The following ANTXR2 variants were observed in gnomAD, a reference collection of about 807,000 sequenced individuals.
ANTXR2 encodes ANTXR cell adhesion molecule 2, also known as anthrax toxin receptor 2.
ANTXR2 carries 44 observed loss-of-function variants against 73.7 expected under a neutral mutation model. That is an observed-to-expected ratio of 0.60 (90% CI 0.47 to 0.77). The LOEUF (loss-of-function observed/expected upper bound fraction) is 0.77, where lower values mean the gene tolerates loss of function less well. ANTXR2 is among the 30% of genes least tolerant of loss of function. ANTXR2 has a pLI of 0.00. For synonymous variants in ANTXR2, 217 were observed against 205.9 expected (o/e 1.05, Z -0.46); for missense variants, 604 against 592.5 (o/e 1.02, Z -0.20).
chr4:80,018,665 T>C (rs1731997323), intron 11 of ANTXR2, among the ~76,000 whole-genome samples: 1 of 152,216 alleles, frequency 6.6e-6, no homozygotes, highest in Non-Finnish European at 1.5e-5. Flanking sequence ...TTAAATTCTA[T>C]AAGTATGAAA....
chr4:80,055,868 G>T, intron 4 of ANTXR2, 64 bp downstream of exon 4: 1 of 1,205,724 alleles, frequency 8.3e-7, no homozygotes, highest in South Asian at 1.5e-5. Flanking sequence ...TTGCTAGAGG[G>T]TTTTATTTCA....
chr4:80,052,610 G>A (rs1178301337), intron 7 of ANTXR2, among the ~76,000 whole-genome samples: 1 of 151,542 alleles, frequency 6.6e-6, no homozygotes, highest in African/African-American at 2.4e-5. Context: ...AAATTTAACT[G>A]TATTGACATG....
intron 16 of ANTXR2, among the ~76,000 whole-genome samples, chr4:79,909,542 G>C (rs1284527785): frequency 3.5e-5 from 4 of 113,180 alleles, no homozygotes; most frequent in African/African-American, 1.3e-4. Flanking sequence ...CTTGAAGGAA[G>C]AAAACTCTGC....
intron 10 of ANTXR2, among the ~76,000 whole-genome samples, chr4:80,026,682 C>T (rs190752338): frequency 6.6e-6 from 1 of 152,010 alleles, no homozygotes; most frequent in East Asian, 1.9e-4. Context: ...AATGTGCTTC[C>T]CCTTAACTTC....
At chr4:80,002,163 T>A (rs1276105357) in intron 12 of ANTXR2, among the ~76,000 whole-genome samples, 5 of 152,100 alleles carry the variant, frequency 3.3e-5, no homozygotes, top group Non-Finnish European at 2.9e-5. Flanking sequence ...CAAACTATAC[T>A]ACAAGGGTAC....
rs1048965881 is a variant in ANTXR2 at position 79,901,620 on chromosome 4, C to G, written c.*5809G>C. On this transcript the variant is annotated 3_prime_UTR_variant, in exon 17 of 17. Transcript: ENST00000403729. ...GTTTCAGGATAATTCAAGTGGATTA[C>G]ATTTATTATGTACTTTATTTCTATT... is the stretch of plus-strand genomic sequence containing the variant. The G allele has an allele frequency of 1.3e-5, 2 of 151,358 alleles. No homozygotes were observed. The highest frequency in any genetic ancestry group is 4.9e-5 in the African/African-American group (2 of 41,174). The allele number at this position is 151,358 out of a possible 1,614,324, so 9.4% of individuals were successfully genotyped here.
At chr4:79,993,748 A>ACACACACACGCGCGCGCGCG (rs1578138226) in intron 12 of ANTXR2, among the ~76,000 whole-genome samples, 2 of 74,100 alleles carry the variant, frequency 2.7e-5, no homozygotes, top group South Asian at 7.9e-4. Context: ...AATACACCAC[A>ACACACACACGCGCGCGCGCG]CACACACACA....
intron 16 of ANTXR2, among the ~76,000 whole-genome samples, chr4:79,922,210 G>A (rs1273398980): frequency 6.6e-6 from 1 of 152,024 alleles, no homozygotes; most frequent in Non-Finnish European, 1.5e-5. Flanking sequence ...ATGTGCAGAT[G>A]CAAGTCTAAA....
chr4:79,962,712 A>T (rs1256749735), intron 16 of ANTXR2, among the ~76,000 whole-genome samples: 1 of 152,242 alleles, frequency 6.6e-6, no homozygotes, highest in African/African-American at 2.4e-5. Flanking sequence ...CAATTAGGCT[A>T]CAATAAAGGG....
At chr4:79,998,531 T>C (rs1165699289) in intron 12 of ANTXR2, among the ~76,000 whole-genome samples, 1 of 152,036 alleles carries the variant, frequency 6.6e-6, no homozygotes, top group Non-Finnish European at 1.5e-5. Context: ...CTATCCTGAT[T>C]AGTAAAACAA....
At chr4:79,993,748 A>ACACACACG (rs1730586389) in intron 12 of ANTXR2, among the ~76,000 whole-genome samples, 1 of 74,038 alleles carries the variant, frequency 1.4e-5, no homozygotes, top group Non-Finnish European at 2.9e-5. Context: ...AATACACCAC[A>ACACACACG]CACACACACA....
At chr4:79,944,719 T>C (rs1728451974) in intron 16 of ANTXR2, among the ~76,000 whole-genome samples, 1 of 152,172 alleles carries the variant, frequency 6.6e-6, no homozygotes, top group African/African-American at 2.4e-5. Context: ...CTGGCAATTT[T>C]AATTTCAATA....
chr4:79,996,318 T>TGGACGG (rs1730723188), intron 12 of ANTXR2, among the ~76,000 whole-genome samples: 3 of 148,760 alleles, frequency 2.0e-5, no homozygotes, highest in Non-Finnish European at 4.5e-5. Context: ...CGGATGGATA[T>TGGACGG]ATGGATGGAT....
rs966295339 is a variant in ANTXR2 at position 79,966,904 on chromosome 4, G to A, written c.1428+10717C>T. On this transcript the variant is annotated intron_variant, in intron 16 of 16. Coordinates refer to ENST00000403729, the MANE Select transcript of ANTXR2 (RefSeq NM_058172.6). Reference sequence around the variant, plus strand: ...GTGCTGGCGACTATAAGAATAGGGCGTCCGGGGAGGAGCCAAGATGGCCGA... The same window carrying A: ...GTGCTGGCGACTATAAGAATAGGGCATCCGGGGAGGAGCCAAGATGGCCGA... Among the ~76,000 whole-genome samples, 4 of 80,166 alleles carry A rather than the reference G, an allele frequency of 5.0e-5. 1 individual carries two copies. The highest frequency in any genetic ancestry group is 3.5e-4 in the Admixed American group (2 of 5,776). The allele number at this position is 80,166 out of a possible 152,430, so 52.6% of individuals were successfully genotyped here.
At chr4:79,977,411 A>G in intron 16 of ANTXR2, 1 of 1,014,634 alleles carries the variant, frequency 9.9e-7, no homozygotes, top group Non-Finnish European at 1.3e-6. Context: ...GAATTTCTTG[A>G]AAAGGGAATG....
chr4:80,058,286 G>A (rs1171092031), intron 3 of ANTXR2, among the ~76,000 whole-genome samples: 5 of 151,990 alleles, frequency 3.3e-5, no homozygotes, highest in Non-Finnish European at 5.9e-5. Flanking sequence ...TACACTGGAA[G>A]AGAGACAGCA....
intron 12 of ANTXR2, among the ~76,000 whole-genome samples, chr4:80,000,552 G>C: frequency 6.6e-6 from 1 of 152,042 alleles, no homozygotes; most frequent in East Asian, 1.9e-4. Flanking sequence ...GAAATTATTA[G>C]TCTATAAGGG....
At chr4:79,914,531 T>C (rs1409938937) in intron 16 of ANTXR2, among the ~76,000 whole-genome samples, 1 of 152,070 alleles carries the variant, frequency 6.6e-6, no homozygotes, top group Non-Finnish European at 1.5e-5. Context: ...ACCTCTACAA[T>C]CCTCCAATAA....
At chr4:79,983,744 C>T in intron 14 of ANTXR2, 134 bp downstream of exon 14, 1 of 732,916 alleles carries the variant, frequency 1.4e-6, no homozygotes, top group Non-Finnish European at 2.3e-6. Flanking sequence ...AAAATGTATC[C>T]AGAAAAGACC....
Sources: allele counts gnomAD v4.1 joint callset (sites outside exome capture counted in the v4.1 genomes callset), GRCh38; gene constraint gnomAD v4.1.1; transcripts MANE v1.5; gene names NCBI Gene and HGNC (gene_info 2026-07-23, HGNC 2026-07-21).